Variants in MBD5 observed in about 807,000 individuals in gnomAD.
The protein encoded by MBD5 is methyl-CpG binding domain protein 5.
A neutral mutation model predicts 117.3 loss-of-function variants in MBD5; 13 were observed. The observed-to-expected ratio is 0.11, with a 90% CI of 0.07 to 0.18. The LOEUF (loss-of-function observed/expected upper bound fraction) is 0.18, where lower values mean the gene tolerates loss of function less well. MBD5 is among the 10% of genes least tolerant of loss of function. The pLI is 1.00. For synonymous variants in MBD5, 727 were observed against 766.4 expected (o/e 0.95, Z 0.85); for missense variants, 1,879 against 2,093.8 (o/e 0.90, Z 2.00).
At chr2:148,360,073 C>T (rs1703488826) in intron 4 of MBD5, among the ~76,000 whole-genome samples, 1 of 151,818 alleles carries the variant, frequency 6.6e-6, no homozygotes, top group African/African-American at 2.4e-5. Context: ...AAGATCATTT[C>T]AGGTTTCAAA....
chr2:148,441,853 C>G (rs919508321), intron 4 of MBD5, among the ~76,000 whole-genome samples: 1 of 152,014 alleles, frequency 6.6e-6, no homozygotes, highest in African/African-American at 2.4e-5. Context: ...TCTCTGTTGG[C>G]CAGTGATGAT....
intron 1 of MBD5, among the ~76,000 whole-genome samples, chr2:148,159,099 CA>C (rs1697944483): frequency 6.6e-6 from 1 of 152,046 alleles, no homozygotes; most frequent in African/African-American, 2.4e-5. Flanking sequence ...GATGGAGAAA[CA>C]AAAAGGGCCA....
intron 1 of MBD5, among the ~76,000 whole-genome samples, chr2:148,101,290 G>A (rs1283888413): frequency 6.6e-6 from 1 of 151,670 alleles, no homozygotes; most frequent in Non-Finnish European, 1.5e-5. Context: ...ATTTCTAAAC[G>A]TTAAAATTAG....
rs1053853227 is a variant in MBD5 at position 148,134,489 on chromosome 2, T to G, written c.-924-44211T>G. Among the ~76,000 whole-genome samples, 4 of 152,216 alleles carry G rather than the reference T, an allele frequency of 2.6e-5. No homozygotes were observed. In the South Asian group the frequency reaches 8.3e-4, roughly 31 times the overall value. ...CTTTGCTTTGTATTCTGATATTCAT[T>G]ATCTAACATGTATTTCTCCACAGTC... On this transcript the variant is annotated intron_variant, in intron 1 of 13. Coordinates refer to ENST00000642680, the MANE Select transcript of MBD5 (RefSeq NM_001378120.1).
At position 148,280,372 on chromosome 2, in the gene MBD5, C is replaced by T. The variant is rs1386007153; in HGVS notation, c.-680+46977C>T. Among the ~76,000 whole-genome samples, 4 of 152,230 alleles carry T rather than the reference C, an allele frequency of 2.6e-5. No homozygotes were observed. The South Asian group carries it at 8.3e-4, about 32-fold the overall frequency. ...GGGACAGTAGTTTGATTTCCATCCT[C>T]ACAGTTACTTCTTATGTCCCTTGCC... On this transcript the variant is annotated intron_variant, in intron 3 of 13. Transcript: ENST00000642680.
At chr2:148,110,386 A>T (rs960771660) in intron 1 of MBD5, among the ~76,000 whole-genome samples, 8 of 152,280 alleles carry the variant, frequency 5.3e-5, no homozygotes, top group African/African-American at 1.9e-4. Context: ...AGTTTGCATT[A>T]ATTCTCTTTT....
intron 3 of MBD5, among the ~76,000 whole-genome samples, chr2:148,257,420 G>T (rs914290011): frequency 1.3e-5 from 2 of 152,226 alleles, no homozygotes; most frequent in Non-Finnish European, 2.9e-5. Context: ...AAAATTTGCA[G>T]CTGCTTCGTT....
At chr2:148,302,590 T>A (rs1163488003) in intron 3 of MBD5, among the ~76,000 whole-genome samples, 2 of 152,172 alleles carry the variant, frequency 1.3e-5, no homozygotes, top group African/African-American at 4.8e-5. Context: ...GGATTATTTT[T>A]CTATGCAGAT....
chr2:148,022,331 C>T (rs1396200301), intron 1 of MBD5, among the ~76,000 whole-genome samples: 1 of 152,030 alleles, frequency 6.6e-6, no homozygotes, highest in Non-Finnish European at 1.5e-5. Context: ...TTTTGACTTG[C>T]ATTATTGCTT....
At chr2:148,058,265 A>G (rs1022433005) in intron 1 of MBD5, among the ~76,000 whole-genome samples, 4 of 152,084 alleles carry the variant, frequency 2.6e-5, no homozygotes, top group African/African-American at 9.6e-5. Flanking sequence ...CAGAAACCCT[A>G]CAAATTAAGT....
At chr2:148,412,272 T>TTTTTTTTTTG (rs946184910) in intron 4 of MBD5, among the ~76,000 whole-genome samples, 18 of 144,580 alleles carry the variant, frequency 1.2e-4, no homozygotes, top group African/African-American at 4.7e-4. Flanking sequence ...AGTATACTTT[T>TTTTTTTTTTG]TGTGTGTGTG....
intron 4 of MBD5, among the ~76,000 whole-genome samples, chr2:148,407,525 G>T (rs970718032): frequency 6.6e-6 from 1 of 152,062 alleles, no homozygotes; most frequent in African/African-American, 2.4e-5. Context: ...GAATTAGCAT[G>T]GGATTTTATC....
In MBD5 at chr2:148,288,207, C is replaced by T. The variant is rs375450083; in HGVS notation, c.-679-54007C>T. Among the ~76,000 whole-genome samples, 1,265 of 138,302 alleles carry T rather than the reference C, an allele frequency of 9.1e-3. 5 individuals are homozygous for T. The highest frequency in any genetic ancestry group is 0.03 in the East Asian group (130 of 4,386). The allele number at this position is 138,302 out of a possible 152,430, so 90.7% of individuals were successfully genotyped here. ...CGAGGTCAGGAGATCGAGACCATCCCGGCTAAAACGGTGAAACCCCGTCTC... is the reference window on the plus strand; with the variant it reads ...CGAGGTCAGGAGATCGAGACCATCCTGGCTAAAACGGTGAAACCCCGTCTC... On this transcript the variant is annotated intron_variant, in intron 3 of 13. Coordinates refer to ENST00000642680, the MANE Select transcript of MBD5 (RefSeq NM_001378120.1).
chr2:148,076,280 T>C (rs1695507941), intron 1 of MBD5, among the ~76,000 whole-genome samples: 7 of 152,036 alleles, frequency 4.6e-5, no homozygotes, highest in Admixed American at 4.6e-4. Flanking sequence ...AAAGGCTCCA[T>C]GTAGCCTGAA....
At chr2:148,349,606 T>C (rs1360569114) in intron 4 of MBD5, among the ~76,000 whole-genome samples, 6 of 152,000 alleles carry the variant, frequency 3.9e-5, no homozygotes, top group Non-Finnish European at 5.9e-5. Flanking sequence ...ACTGAGGTTC[T>C]GGTAAATAAA....
At chr2:148,218,605 T>C (rs1450102060) in intron 2 of MBD5, among the ~76,000 whole-genome samples, 1 of 152,162 alleles carries the variant, frequency 6.6e-6, no homozygotes, top group Non-Finnish European at 1.5e-5. Flanking sequence ...CAGCATAGAG[T>C]GTACCTACAG....
intron 2 of MBD5, among the ~76,000 whole-genome samples, chr2:148,232,649 CT>C (rs5835180): frequency 0.81 from 114,000 of 140,696 alleles, 46,035 homozygotes; most frequent in East Asian, 0.99. Context: ...GACTTTTTTT[CT>C]TTTTTTTTTT....
intron 4 of MBD5, among the ~76,000 whole-genome samples, chr2:148,447,183 G>GAAAGA (rs1553516324): frequency 4.1e-4 from 3 of 7,340 alleles, no homozygotes; most frequent in African/African-American, 4.6e-4. Flanking sequence ...AAGAAGGAAA[G>GAAAGA]AAAGAAAGAA....
intron 1 of MBD5, chr2:148,025,458 A>G (rs1275071351): frequency 2.0e-5 from 3 of 151,288 alleles, no homozygotes; most frequent in African/African-American, 7.3e-5. Context: ...AAAATAGCCT[A>G]TGTGGTTGCC....
Sources: allele counts gnomAD v4.1 joint callset (sites outside exome capture counted in the v4.1 genomes callset), GRCh38; gene constraint gnomAD v4.1.1; transcripts MANE v1.5; gene names NCBI Gene and HGNC (gene_info 2026-07-23, HGNC 2026-07-21).